The following ANKRD45 variants were observed in gnomAD, a reference collection of about 807,000 sequenced individuals.
The protein encoded by ANKRD45 is ankyrin repeat domain-containing protein 45.
ANKRD45 carries 21 observed loss-of-function variants against 28.1 expected under a neutral mutation model. The observed-to-expected ratio is 0.75, with a 90% CI of 0.53 to 1.08. ANKRD45 has a LOEUF of 1.08. Ranked by LOEUF, ANKRD45 falls within the 50% of genes least tolerant of loss-of-function variation. The pLI is 0.00. For synonymous variants in ANKRD45, 86 were observed against 103.9 expected, an observed-to-expected ratio of 0.83 and a Z score of 1.05; for missense variants, 261 against 308.7, an observed-to-expected ratio of 0.85 and a Z score of 1.16.
At chr1:173,652,643 A>G (rs1669286728) in intron 2 of ANKRD45, among the ~76,000 whole-genome samples, 2 of 152,044 alleles carry the variant, frequency 1.3e-5, no homozygotes, top group African/African-American at 2.4e-5. Flanking sequence ...CTCTTTTTCT[A>G]TTGATTGGAA....
At chr1:173,677,912 C>T in the ANKRD45 span, among the ~76,000 whole-genome samples, 1 of 152,080 alleles carries the variant, frequency 6.6e-6, no homozygotes, top group South Asian at 2.1e-4. Context: ...CTGCAGTGTA[C>T]AGGATATTAT....
chr1:173,684,969 G>C, the ANKRD45 span, among the ~76,000 whole-genome samples: 1 of 152,180 alleles, frequency 6.6e-6, no homozygotes, highest in Non-Finnish European at 1.5e-5. Context: ...AATTGATCTG[G>C]TATTCCCTGT....
At chr1:173,706,626 A>T in the ANKRD45 span, among the ~76,000 whole-genome samples, 1 of 151,982 alleles carries the variant, frequency 6.6e-6, no homozygotes, top group African/African-American at 2.4e-5. Context: ...GGCATGAGCC[A>T]CCCCACCCAG....
intron 2 of ANKRD45, among the ~76,000 whole-genome samples, chr1:173,655,030 G>T (rs949574590): frequency 6.6e-6 from 1 of 152,070 alleles, no homozygotes; most frequent in East Asian, 1.9e-4. Context: ...GCTTCCTTGC[G>T]ATGGGTTCAA....
At chr1:173,697,684 A>G in the ANKRD45 span, among the ~76,000 whole-genome samples, 1 of 152,220 alleles carries the variant, frequency 6.6e-6, no homozygotes, top group Non-Finnish European at 1.5e-5. Flanking sequence ...ATGGAAAGGA[A>G]CAACCGGTAT....
At chr1:173,635,911 GT>G in intron 3 of ANKRD45, 2 of 1,191,508 alleles carry the variant, frequency 1.7e-6, no homozygotes, top group East Asian at 2.6e-5. Context: ...AATATTACTA[GT>G]TTCTTTGAGA....
chr1:173,677,669 G>C, the ANKRD45 span, among the ~76,000 whole-genome samples: 1 of 151,982 alleles, frequency 6.6e-6, no homozygotes, highest in Admixed American at 6.6e-5. Context: ...GACTTAGCAG[G>C]GCTTTGTGTC....
chr1:173,667,081 G>A (rs1670057294), intron 1 of ANKRD45, among the ~76,000 whole-genome samples: 1 of 152,180 alleles, frequency 6.6e-6, no homozygotes. Context: ...TACTGGCCAT[G>A]TGTTGGCCAA....
chr1:173,684,743 C>A, the ANKRD45 span, among the ~76,000 whole-genome samples: 1 of 152,202 alleles, frequency 6.6e-6, no homozygotes, highest in Non-Finnish European at 1.5e-5. Flanking sequence ...GCAAACTCCT[C>A]CGCTTTCTGC....
chr1:173,649,431 C>T (rs769732221), intron 2 of ANKRD45, among the ~76,000 whole-genome samples: 3 of 152,110 alleles, frequency 2.0e-5, no homozygotes, highest in Non-Finnish European at 4.4e-5. Context: ...CCATTGTTTA[C>T]ATTTGCTTTT....
chr1:173,674,220 C>G (rs977579374), upstream of ANKRD45, among the ~76,000 whole-genome samples: 1 of 152,014 alleles, frequency 6.6e-6, no homozygotes, highest in Non-Finnish European at 1.5e-5. Flanking sequence ...TGCCATGTTG[C>G]CCAGGCTGGT....
chr1:173,666,722 T>A (rs893840606), intron 1 of ANKRD45, among the ~76,000 whole-genome samples: 1 of 152,146 alleles, frequency 6.6e-6, no homozygotes, highest in Non-Finnish European at 1.5e-5. Context: ...TTGATTCTGT[T>A]TCTCTGAAGA....
At chr1:173,681,885 A>C in the ANKRD45 span, among the ~76,000 whole-genome samples, 1 of 152,058 alleles carries the variant, frequency 6.6e-6, no homozygotes, top group Non-Finnish European at 1.5e-5. Flanking sequence ...CCCCGTCTCT[A>C]CTAAAAATAC....
upstream of ANKRD45, among the ~76,000 whole-genome samples, chr1:173,673,359 C>T (rs747690575): frequency 4.6e-5 from 7 of 152,020 alleles, no homozygotes; most frequent in Non-Finnish European, 1.0e-4. Flanking sequence ...GTGATCCACC[C>T]GCCTTGGCTT....
intron 2 of ANKRD45, among the ~76,000 whole-genome samples, chr1:173,656,921 C>T (rs1382851733): frequency 6.6e-6 from 1 of 150,590 alleles, no homozygotes; most frequent in East Asian, 2.0e-4. Flanking sequence ...TGCAGTGGCT[C>T]ATGCCTGTAA....
intron 5 of ANKRD45, among the ~76,000 whole-genome samples, chr1:173,624,468 C>G (rs1396423153): frequency 1.4e-5 from 2 of 145,004 alleles, no homozygotes; most frequent in Non-Finnish European, 3.0e-5. Context: ...GCCTGGGTAA[C>G]AGAGGAAGAC....
chr1:173,620,489 A>G (rs777302469), intron 5 of ANKRD45, among the ~76,000 whole-genome samples: 1 of 152,350 alleles, frequency 6.6e-6, no homozygotes, highest in Middle Eastern at 3.4e-3. Flanking sequence ...AAATGCCCAC[A>G]TCAAAAAGCT....
At chr1:173,641,855 C>T (rs6668650) in intron 3 of ANKRD45, among the ~76,000 whole-genome samples, 25,811 of 152,060 alleles carry the variant, frequency 0.17, 7,301 homozygotes, top group African/African-American at 0.59. Flanking sequence ...TGGTTAACTA[C>T]ATATCTATAA....
chr1:173,663,934 T>G (rs1297788499), intron 1 of ANKRD45, among the ~76,000 whole-genome samples: 1 of 152,216 alleles, frequency 6.6e-6, no homozygotes, highest in African/African-American at 2.4e-5. Context: ...GCTATATTTG[T>G]ACATATATAT....
Sources: allele counts gnomAD v4.1 joint callset (sites outside exome capture counted in the v4.1 genomes callset), GRCh38; gene constraint gnomAD v4.1.1; transcripts MANE v1.5; gene names NCBI Gene and HGNC (gene_info 2026-07-23, HGNC 2026-07-21).